Variants in GATAD2A observed in about 807,000 individuals in gnomAD.
The protein encoded by GATAD2A is transcriptional repressor p66-alpha.
In GATAD2A, 12 loss-of-function variants were observed where a neutral mutation model predicts 68.5. That is an observed-to-expected ratio of 0.18 (90% CI 0.11 to 0.28). The LOEUF is 0.28. Ranked by LOEUF, GATAD2A falls within the 10% of genes least tolerant of loss-of-function variation. The probability of loss-of-function intolerance (pLI) is 1.00; values close to 1 mark genes in which losing one functional copy is unlikely to be tolerated. For synonymous variants in GATAD2A, 410 were observed against 375.3 expected, an observed-to-expected ratio of 1.09 and a Z score of -1.07; for missense variants, 755 against 868.5, an observed-to-expected ratio of 0.87 and a Z score of 1.64.
At chr19:19,417,509 G>A (rs1427588906) in intron 1 of GATAD2A, among the ~76,000 whole-genome samples, 2 of 152,186 alleles carry the variant, frequency 1.3e-5, no homozygotes, top group East Asian at 1.9e-4. Flanking sequence ...CTAGAGGAGT[G>A]TTGGGTGCGG....
chr19:19,455,449 C>T (rs1384053368), intron 1 of GATAD2A, among the ~76,000 whole-genome samples: 6 of 151,790 alleles, frequency 4.0e-5, no homozygotes, highest in African/African-American at 1.5e-4. Flanking sequence ...GAGATTGTGC[C>T]GCGCCACTCC....
At chr19:19,416,036 A>G (rs532513214) in intron 1 of GATAD2A, among the ~76,000 whole-genome samples, 2 of 151,964 alleles carry the variant, frequency 1.3e-5, no homozygotes, top group Non-Finnish European at 2.9e-5. Flanking sequence ...CACAATCACT[A>G]TAGCCTCGAC....
chr19:19,409,999 C>T (rs750411006), intron 1 of GATAD2A, among the ~76,000 whole-genome samples: 3 of 152,286 alleles, frequency 2.0e-5, no homozygotes, highest in South Asian at 2.1e-4. Flanking sequence ...TGGGAATCCA[C>T]GAAACCCTCT....
chr19:19,483,250 T>C (rs939063701), intron 2 of GATAD2A, among the ~76,000 whole-genome samples: 1 of 152,194 alleles, frequency 6.6e-6, no homozygotes. Context: ...TTTCCTGAGC[T>C]CTTTAGCCAG....
intron 1 of GATAD2A, chr19:19,436,297 T>G (rs2054333949): frequency 1.4e-6 from 1 of 729,754 alleles, no homozygotes; most frequent in African/African-American, 1.8e-5. Context: ...CTTGGACACT[T>G]TAAAGTGAGT....
At chr19:19,450,544 G>GACAGCTT in intron 1 of GATAD2A, among the ~76,000 whole-genome samples, 1 of 152,018 alleles carries the variant, frequency 6.6e-6, no homozygotes, top group East Asian at 1.9e-4. Flanking sequence ...TGTGCCTTTT[G>GACAGCTT]ACAGCTTTCA....
At chr19:19,416,374 C>T (rs966467418) in intron 1 of GATAD2A, among the ~76,000 whole-genome samples, 7 of 152,084 alleles carry the variant, frequency 4.6e-5, no homozygotes, top group Non-Finnish European at 8.8e-5. Context: ...GGGGTGGTGG[C>T]AGGTTCCGGA....
rs1227059626 is a variant in GATAD2A, at chr19:19,505,763, A to G, written c.*289A>G. The G allele has an allele frequency of 1.1e-5, 5 of 465,994 alleles. No homozygotes were observed. In the East Asian group the frequency reaches 1.4e-4, roughly 13 times the overall value. The allele number at this position is 465,994 out of a possible 1,614,324, so 28.9% of individuals were successfully genotyped here. A position where few individuals can be genotyped will look rare whatever the true frequency, so the allele number is the denominator to read the frequency against. On this transcript the variant is annotated 3_prime_UTR_variant, in exon 12 of 12. Transcript: ENST00000683918. ...CTTTAGTTTGCCCGACACCAGCAGA[A>G]AAGTGGACCTTGGGGGCTGGTTCTG...
chr19:19,479,560 G>A (rs942474221), intron 2 of GATAD2A, among the ~76,000 whole-genome samples: 1 of 152,212 alleles, frequency 6.6e-6, no homozygotes, highest in Non-Finnish European at 1.5e-5. Context: ...AGGAGCAGAG[G>A]TCAAGTGTTC....
At chr19:19,495,136 C>T (rs1001897455) in intron 5 of GATAD2A, among the ~76,000 whole-genome samples, 4 of 151,958 alleles carry the variant, frequency 2.6e-5, no homozygotes, top group East Asian at 1.9e-4. Context: ...GCCAGGATTA[C>T]AGGCACACAC....
intron 1 of GATAD2A, among the ~76,000 whole-genome samples, chr19:19,432,531 C>A (rs1227324081): frequency 1.3e-5 from 2 of 151,946 alleles, no homozygotes; most frequent in Non-Finnish European, 2.9e-5. Flanking sequence ...GAACCCCTGA[C>A]CTCAAGTGAT....
intron 1 of GATAD2A, among the ~76,000 whole-genome samples, chr19:19,462,063 A>T (rs1423694088): frequency 6.6e-6 from 1 of 152,214 alleles, no homozygotes; most frequent in Admixed American, 6.5e-5. Context: ...CTCATTTGCC[A>T]GTCAGGGTGA....
intron 9 of GATAD2A, 99 bp downstream of exon 9, chr19:19,501,515 A>T: frequency 1.1e-6 from 1 of 943,580 alleles, no homozygotes; most frequent in Non-Finnish European, 1.5e-6. Context: ...TGTTAACTGC[A>T]CGTCTAAATT....
intron 3 of GATAD2A, 59 bp downstream of exon 3, chr19:19,492,497 C>T: frequency 6.8e-6 from 11 of 1,612,028 alleles, no homozygotes; most frequent in Non-Finnish European, 9.3e-6. Context: ...ACTCATGACA[C>T]CCTCAGGTGG....
chr19:19,443,165 T>A (rs991938992), intron 1 of GATAD2A, among the ~76,000 whole-genome samples: 1 of 152,136 alleles, frequency 6.6e-6, no homozygotes, highest in African/African-American at 2.4e-5. Flanking sequence ...TGACAGAATT[T>A]TAAGTTTATT....
intron 2 of GATAD2A, among the ~76,000 whole-genome samples, chr19:19,491,090 G>A (rs576335077): frequency 1.3e-5 from 2 of 152,136 alleles, no homozygotes; most frequent in African/African-American, 4.8e-5. Context: ...CACAGGAAAG[G>A]GAAAATCAGA....
upstream of GATAD2A, among the ~76,000 whole-genome samples, chr19:19,403,587 C>G (rs1358051526): frequency 6.6e-6 from 1 of 152,010 alleles, no homozygotes; most frequent in African/African-American, 2.4e-5. Flanking sequence ...TGGTTGTCAC[C>G]CTGGTGACTC....
intron 1 of GATAD2A, among the ~76,000 whole-genome samples, chr19:19,444,372 G>T (rs975740219): frequency 1.3e-5 from 2 of 152,138 alleles, no homozygotes; most frequent in Non-Finnish European, 2.9e-5. Flanking sequence ...CTTCAACCCT[G>T]CCTCTCTCCG....
In GATAD2A at chr19:19,501,404, C is replaced by A; in HGVS notation, c.1491C>A (p.Pro497=). The change falls in exon 9 of 12, where the codon CCC becomes CCA. Residue 497 remains proline (P), a synonymous_variant. Transcript: ENST00000683918. ...AKAEPTAAPH[P]VLKQVIKPRR... is the part of the protein sequence containing the mutation. ...CCGAGCCCACCGCTGCCCCACACCCCGTGCTGAAGCAGGTGAGCCTGGCCT... is the reference window on the plus strand; with the variant it reads ...CCGAGCCCACCGCTGCCCCACACCCAGTGCTGAAGCAGGTGAGCCTGGCCT... 1 of 1,596,820 alleles carries A rather than the reference C, an allele frequency of 6.3e-7. No homozygotes were observed. Among genetic ancestry groups the A allele is most frequent in the African/African-American group, 1.3e-5 (1 of 74,452 alleles).
Sources: allele counts gnomAD v4.1 joint callset (sites outside exome capture counted in the v4.1 genomes callset), GRCh38; gene constraint gnomAD v4.1.1; transcripts MANE v1.5; gene names NCBI Gene and HGNC (gene_info 2026-07-23, HGNC 2026-07-21).